Variants in ULK4 observed in about 807,000 individuals in gnomAD.
ULK4 encodes the protein inactive serine/threonine-protein kinase ULK4.
In ULK4, 133 loss-of-function variants were observed where a neutral mutation model predicts 160.6. That is an observed-to-expected ratio of 0.83 (90% CI 0.72 to 0.96). ULK4 has a LOEUF of 0.96. Among genes scored for constraint, ULK4 ranks in the 40% least tolerant of loss-of-function variants. The pLI, the probability that ULK4 is intolerant of heterozygous loss-of-function variation, is 0.00. For missense variants in ULK4, 1,580 were observed against 1,499.5 expected (o/e 1.05, Z -0.89); for synonymous variants, 534 against 539.8 (o/e 0.99, Z 0.15).
intron 30 of ULK4, among the ~76,000 whole-genome samples, chr3:41,651,873 C>T (rs528175171): frequency 6.6e-6 from 1 of 152,170 alleles, no homozygotes; most frequent in Non-Finnish European, 1.5e-5. Context: ...CCAACATAAG[C>T]ATGCACTGAG....
At chr3:41,266,679 T>C (rs1157168126) in intron 35 of ULK4, among the ~76,000 whole-genome samples, 1 of 152,312 alleles carries the variant, frequency 6.6e-6, no homozygotes, top group Admixed American at 6.5e-5. Flanking sequence ...GTAAATAGCA[T>C]ACAAGTGCTT....
rs2086128241 is a variant in ULK4 at position 41,526,678 on chromosome 3, T to C, written c.3226+39347A>G. 3.9e-5 allele frequency among the ~76,000 whole-genome samples: 6 copies of C among 152,250 alleles called. No individual in the cohort carries two copies. The South Asian group carries it at 1.2e-3, about 32-fold the overall frequency. On this transcript the variant is annotated intron_variant, in intron 32 of 36. Coordinates refer to ENST00000301831, the MANE Select transcript of ULK4 (RefSeq NM_017886.4). ...ATATGTCTTCCAGGACTGCAGCACT[T>C]GTTTGGGGGGTGGAGGGGAGATATA...
At chr3:41,426,536 GA>G (rs2082780001) in intron 34 of ULK4, among the ~76,000 whole-genome samples, 1 of 152,088 alleles carries the variant, frequency 6.6e-6, no homozygotes, top group Non-Finnish European at 1.5e-5. Flanking sequence ...ACACTCCTCA[GA>G]AAATGCAAAA....
intron 32 of ULK4, among the ~76,000 whole-genome samples, chr3:41,531,335 G>A (rs557563920): frequency 6.7e-6 from 1 of 150,194 alleles, no homozygotes; most frequent in South Asian, 2.1e-4. Context: ...CAGCTACCCG[G>A]GAAGCTGAGG....
At chr3:41,768,563 A>C (rs73071328) in intron 21 of ULK4, among the ~76,000 whole-genome samples, 18,829 of 152,176 alleles carry the variant, frequency 0.12, 1,339 homozygotes, top group Middle Eastern at 0.27. Flanking sequence ...AACTGAGGCT[A>C]CCAACCTACA....
At chr3:41,929,142 C>T (rs564111090) in intron 5 of ULK4, among the ~76,000 whole-genome samples, 2 of 152,278 alleles carry the variant, frequency 1.3e-5, no homozygotes, top group South Asian at 2.1e-4. Flanking sequence ...GTTTATCCAT[C>T]ATGATCAAGT....
At chr3:41,629,206 C>T (rs962616354) in intron 30 of ULK4, among the ~76,000 whole-genome samples, 3 of 152,104 alleles carry the variant, frequency 2.0e-5, no homozygotes, top group East Asian at 3.8e-4. Context: ...TGTTTCATGA[C>T]GTTTGCGGCC....
At chr3:41,812,170 C>G (rs1403165503) in intron 19 of ULK4, among the ~76,000 whole-genome samples, 1 of 152,144 alleles carries the variant, frequency 6.6e-6, no homozygotes, top group African/African-American at 2.4e-5. Context: ...CCTGTAGTCT[C>G]AGCTACTCAG....
intron 31 of ULK4, among the ~76,000 whole-genome samples, chr3:41,581,394 T>C (rs1032814721): frequency 4.6e-5 from 7 of 152,212 alleles, no homozygotes; most frequent in Admixed American, 1.3e-4. Flanking sequence ...AACAAGAGGT[T>C]TTAATGAGAA....
At chr3:41,647,667 AGTCTGCCC>A (rs1419758173) in intron 30 of ULK4, among the ~76,000 whole-genome samples, 1 of 152,244 alleles carries the variant, frequency 6.6e-6, no homozygotes, top group African/African-American at 2.4e-5. Context: ...TTGAGGAGGC[AGTCTGCCC>A]GTTCTCAGAT....
intron 33 of ULK4, among the ~76,000 whole-genome samples, chr3:41,462,652 TA>T: frequency 6.6e-6 from 1 of 152,304 alleles, no homozygotes; most frequent in East Asian, 1.9e-4. Context: ...CATAGGTATG[TA>T]TATGTGTCTA....
chr3:41,613,161 A>C (rs2032781937), intron 31 of ULK4, among the ~76,000 whole-genome samples: 1 of 152,210 alleles, frequency 6.6e-6, no homozygotes, highest in African/African-American at 2.4e-5. Context: ...CAAGGCCCTC[A>C]AACTTAGAAA....
chr3:41,824,155 T>A (rs1198996757), intron 18 of ULK4, among the ~76,000 whole-genome samples: 1 of 132,754 alleles, frequency 7.5e-6, no homozygotes, highest in East Asian at 2.1e-4. Context: ...AGAATGAGAC[T>A]CTATCTTTAA....
intron 35 of ULK4, among the ~76,000 whole-genome samples, chr3:41,291,371 GAAGA>G (rs1158072208): frequency 1.5e-5 from 2 of 135,296 alleles, no homozygotes; most frequent in African/African-American, 3.1e-5. Context: ...AAAAAGTAAA[GAAGA>G]AAGGAAGGAA....
At position 41,418,349 on chromosome 3, in the gene ULK4, G is replaced by T. The variant is rs575152330; in HGVS notation, c.3493-20085C>A. Among the ~76,000 whole-genome samples the T allele has an allele frequency of 1.3e-4, 19 of 144,350 alleles. 1 individual carries two copies. The highest frequency in any genetic ancestry group is 3.3e-4 in the African/African-American group (13 of 39,050). The allele number at this position is 144,350 out of a possible 152,430, so 94.7% of individuals were successfully genotyped here. A position where few individuals can be genotyped will look rare whatever the true frequency, so the allele number is the denominator to read the frequency against. On this transcript the variant is annotated intron_variant, in intron 34 of 36. Transcript: ENST00000301831. ...CTTTTTTTCTTAATTTGGCGGGGGG[G>T]GGGGCACGTTTCTAAGCTACACAGT...
chr3:41,832,640 C>G (rs986196714), intron 18 of ULK4, among the ~76,000 whole-genome samples: 5 of 152,128 alleles, frequency 3.3e-5, no homozygotes, highest in Admixed American at 3.3e-4. Context: ...ATGGTACTGC[C>G]TAGGTTTTCT....
chr3:41,771,491 G>A (rs984240445), intron 21 of ULK4, among the ~76,000 whole-genome samples: 3 of 152,028 alleles, frequency 2.0e-5, no homozygotes, highest in Non-Finnish European at 4.4e-5. Flanking sequence ...AATATTATTA[G>A]TAAACATCAA....
At chr3:41,578,361 G>A (rs1037017345) in intron 31 of ULK4, among the ~76,000 whole-genome samples, 3 of 152,122 alleles carry the variant, frequency 2.0e-5, no homozygotes, top group Admixed American at 6.5e-5. Flanking sequence ...TTCCATAACC[G>A]AAGGCAATCA....
intron 34 of ULK4, among the ~76,000 whole-genome samples, chr3:41,405,642 G>C (rs1400815747): frequency 6.6e-6 from 1 of 152,046 alleles, no homozygotes; most frequent in African/African-American, 2.4e-5. Flanking sequence ...TCTGTTTTTT[G>C]ACATTTTAAT....
Sources: allele counts gnomAD v4.1 joint callset (sites outside exome capture counted in the v4.1 genomes callset), GRCh38; gene constraint gnomAD v4.1.1; transcripts MANE v1.5; gene names NCBI Gene and HGNC (gene_info 2026-07-23, HGNC 2026-07-21).